TYSND1: variants seen among roughly 807,000 people sequenced by gnomAD.
TYSND1 encodes the protein trypsin like peroxisomal matrix peptidase 1.
TYSND1 carries 30 observed loss-of-function variants against 37.2 expected under a neutral mutation model. The ratio of observed to expected loss-of-function variants is 0.81; its 90% CI spans 0.60 to 1.09. The LOEUF is 1.09. TYSND1 is among the 50% of genes least tolerant of loss of function. TYSND1 has a pLI of 0.00. For missense variants in TYSND1, 806 were observed against 817.4 expected (o/e 0.99, Z 0.17); for synonymous variants, 364 against 383.8 (o/e 0.95, Z 0.60).
In TYSND1 at chr10:70,142,603, A is replaced by G. The variant is rs561337483; in HGVS notation, c.1483+65T>C. 1.8e-5 allele frequency: 26 copies of G among 1,419,258 alleles called. No homozygotes were observed. The African/African-American group carries it at 2.5e-4, about 14-fold the overall frequency. The allele number at this position is 1,419,258 out of a possible 1,614,324, so 87.9% of individuals were successfully genotyped here. On this transcript the variant is annotated intron_variant, in intron 3 of 3. Coordinates refer to ENST00000287078, the MANE Select transcript of TYSND1 (RefSeq NM_173555.4). The stretch of plus-strand genomic sequence containing the variant: ...GGGTGCACTGGGGCTGGCCACAAGC[A>G]CTCATGGGGTGGGACTGAGGTTCTG...
intron 2 of TYSND1, among the ~76,000 whole-genome samples, chr10:70,143,182 A>C (rs1244527647): frequency 6.6e-6 from 1 of 152,176 alleles, no homozygotes; most frequent in Non-Finnish European, 1.5e-5. Context: ...TGTGGAATTC[A>C]CACCCATCTC....
chr10:70,143,031 G>A (rs2072810419), intron 2 of TYSND1, among the ~76,000 whole-genome samples, 178 bp from the exon 3 acceptor site: 1 of 152,204 alleles, frequency 6.6e-6, no homozygotes, highest in African/African-American at 2.4e-5. Context: ...GGAAGAGGCT[G>A]AGAACTCCAC....
At position 70,138,084 on chromosome 10, in the gene TYSND1, G is replaced by A. The variant is rs1471896579; in HGVS notation, c.*1840C>T. 3 of 152,234 alleles carry A rather than the reference G, an allele frequency of 2.0e-5. No individual in the cohort carries two copies. The highest frequency in any genetic ancestry group is 2.1e-4 in the South Asian group (1 of 4,832). The allele number at this position is 152,234 out of a possible 1,614,324, so 9.4% of individuals were successfully genotyped here. Reference sequence around the variant, plus strand: ...AGGGGAAGGAGTGCAGAGCTTCCGTGCCCTCCCTGGGCACGCCACACTCCA... The same window carrying A: ...AGGGGAAGGAGTGCAGAGCTTCCGTACCCTCCCTGGGCACGCCACACTCCA... On this transcript the variant is annotated 3_prime_UTR_variant, in exon 4 of 4. Coordinates refer to ENST00000287078, the MANE Select transcript of TYSND1 (RefSeq NM_173555.4).
Position 70,144,533 on chromosome 10 carries a change from A to G in TYSND1, c.1167-561T>C, listed in dbSNP as rs1411451050. On this transcript the variant is annotated intron_variant, in intron 1 of 3. Coordinates refer to ENST00000287078, the MANE Select transcript of TYSND1 (RefSeq NM_173555.4). ...GACGTGACAGGCTCCGTTCCACGAC[A>G]TTCAGCGTCAACTCCCGGGGAGGCA... 6 of 987,674 alleles carry G rather than the reference A, an allele frequency of 6.1e-6. No homozygotes were observed. The South Asian group carries it at 2.8e-4, about 46-fold the overall frequency. 61.2% of individuals were successfully genotyped at this position (987,674 alleles called of 1,614,324 possible). A position where few individuals can be genotyped will look rare whatever the true frequency, so the allele number is the denominator to read the frequency against.
chr10:70,145,809 C>T lies in TYSND1; in HGVS notation c.778G>A (p.Gly260Ser), dbSNP rs74993002. 2 of 1,519,934 alleles carry T rather than the reference C, an allele frequency of 1.3e-6. No homozygotes were observed. Among genetic ancestry groups the T allele is most frequent in the South Asian group, 1.2e-5 (1 of 82,040 alleles). 94.2% of individuals were successfully genotyped at this position (1,519,934 alleles called of 1,614,324 possible). A position where few individuals can be genotyped will look rare whatever the true frequency, so the allele number is the denominator to read the frequency against. The change falls in exon 1 of 4, where the codon GGC becomes AGC. Residue 260 changes from glycine to serine, a missense_variant. Physicochemically the swap from Gly to Ser is moderately conservative, Grantham distance 56. Coordinates refer to ENST00000287078, the MANE Select transcript of TYSND1 (RefSeq NM_173555.4). ...GTGAACACGCCGCCGCCCTCGGTGCCGGGCAGGCAGCGTGCGTCGGTAAGC... is the reference window on the plus strand; with the variant it reads ...GTGAACACGCCGCCGCCCTCGGTGCTGGGCAGGCAGCGTGCGTCGGTAAGC... ...LLLTDARCLP[G>S]TEGGGVFTAR...
intron 3 of TYSND1, among the ~76,000 whole-genome samples, chr10:70,140,932 G>A (rs756188153): frequency 4.6e-5 from 7 of 151,456 alleles, no homozygotes; most frequent in Non-Finnish European, 8.8e-5. Context: ...TCGTGGCCTT[G>A]ACATTTTTAA....
intron 3 of TYSND1, 82 bp from the exon 4 acceptor site, chr10:70,140,223 T>C (rs955322293): frequency 1.6e-6 from 2 of 1,252,194 alleles, no homozygotes; most frequent in Admixed American, 2.3e-5. Context: ...ATCTCCACCC[T>C]GGAGCCCCCA....
rs149516253 is a variant in TYSND1, at chr10:70,143,825, C to T, written c.1297+17G>A. 60 of 1,613,416 alleles carry T rather than the reference C, an allele frequency of 3.7e-5. No homozygotes were observed. The highest frequency in any genetic ancestry group is 3.1e-4 in the East Asian group (14 of 44,878). On this transcript the variant is annotated intron_variant, in intron 2 of 3. Transcript: ENST00000287078. ...CTCAGAGGGGCCCTCCTTCAGGCTG[C>T]GCCCTTCGTCCTTTACCTTCATGGA... is the stretch of plus-strand genomic sequence containing the variant.
chr10:70,142,008 CAT>C (rs1453721350), intron 3 of TYSND1, among the ~76,000 whole-genome samples: 2 of 152,066 alleles, frequency 1.3e-5, no homozygotes, highest in African/African-American at 2.4e-5. Context: ...GATAAGTAAA[CAT>C]ATTGTAGACA....
chr10:70,146,413 T>C lies in TYSND1; in HGVS notation c.174A>G (p.Arg58=). 6.3e-7 allele frequency: 1 copy of C among 1,599,116 alleles called. No individual in the cohort carries two copies. Among genetic ancestry groups the C allele is most frequent in the Non-Finnish European group, 8.5e-7 (1 of 1,177,204 alleles). The change falls in exon 1 of 4, where the codon CGA becomes CGG. Residue 58 remains arginine (R), a synonymous_variant. Coordinates refer to ENST00000287078, the MANE Select transcript of TYSND1 (RefSeq NM_173555.4). ...CHGGIFVPFL[R]AGSEVLTAAG... is the part of the protein sequence containing the mutation. ...CCGCGGTCAGGACTTCGCTGCCAGCTCGCAGGAAGGGGACGAAGATGCCCC... is the reference window on the plus strand; with the variant it reads ...CCGCGGTCAGGACTTCGCTGCCAGCCCGCAGGAAGGGGACGAAGATGCCCC...
At chr10:70,145,354 G>GT (rs1447383581) in intron 1 of TYSND1, 67 bp downstream of exon 1, 2 of 1,319,344 alleles carry the variant, frequency 1.5e-6, no homozygotes, top group African/African-American at 3.1e-5. Flanking sequence ...ATACTCAAGA[G>GT]TATTAGGGCT....
At chr10:70,143,258 G>A (rs1476333811) in intron 2 of TYSND1, among the ~76,000 whole-genome samples, 5 of 152,198 alleles carry the variant, frequency 3.3e-5, no homozygotes, top group African/African-American at 1.2e-4. Context: ...ATGCAGCCAT[G>A]ACCTTCCTTT....
At position 70,146,138 on chromosome 10, in the gene TYSND1, A is replaced by T; in HGVS notation, c.449T>A (p.Leu150His). Residue 150 changes from leucine (L) to histidine (H), a missense_variant, in exon 1 of 4, where the codon CTC becomes CAC. Physicochemically the swap from Leu to His is moderately conservative, Grantham distance 99 (BLOSUM62 -3). Around this residue, in one of 3 missense-constraint regions of TYSND1, gnomAD observed 708 missense variants for 705.4 expected, o/e 1.00. Transcript: ENST00000287078. ...CTGTTCCGCTGCCTCGTCCCCGAAG[A>T]GGCGCGCGAAGTGGGCCCAGAAGGC... ...CPAFWAHFAR[L>H]FGDEAAEQWR... 1 of 1,555,264 alleles carries T rather than the reference A, an allele frequency of 6.4e-7. No homozygotes were observed. The highest frequency in any genetic ancestry group is 8.7e-7 in the Non-Finnish European group (1 of 1,151,858).
Position 70,139,828 on chromosome 10 carries a change from G to A in TYSND1, c.*96C>T. Reference sequence around the variant, plus strand: ...ATGAGAGGCAGCCTGGGCCCCTGCAGGGGCTGGGCCCTGAATCCTGAGGCC... The same window carrying A: ...ATGAGAGGCAGCCTGGGCCCCTGCAAGGGCTGGGCCCTGAATCCTGAGGCC... On this transcript the variant is annotated 3_prime_UTR_variant, in exon 4 of 4. Transcript: ENST00000287078. 4.7e-6 allele frequency: 6 copies of A among 1,274,856 alleles called. No homozygotes were observed. The highest frequency in any genetic ancestry group is 6.5e-6 in the Non-Finnish European group (6 of 921,322). 79.0% of individuals were successfully genotyped at this position (1,274,856 alleles called of 1,614,324 possible).
rs1469449626 is a variant in TYSND1 at position 70,142,727 on chromosome 10, G to A, written c.1424C>T (p.Ala475Val). ...GTPVMLQTTC[A>V]VHSGSSGGPL... is the part of the protein sequence containing the mutation. ...TCCCCCACTGGAGCCGCTGTGCACA[G>A]CACACGTGGTCTGCAGCATTACGGG... Residue 475 changes from alanine to valine, a missense_variant, in exon 3 of 4, where the codon GCT becomes GTT. By Grantham distance (64) the Ala-to-Val change is moderately conservative. Coordinates refer to ENST00000287078, the MANE Select transcript of TYSND1 (RefSeq NM_173555.4). The A allele has an allele frequency of 1.2e-6, 2 of 1,613,294 alleles. No individual in the cohort carries two copies.
chr10:70,143,596 T>A (rs979297491), intron 2 of TYSND1, among the ~76,000 whole-genome samples: 1 of 152,192 alleles, frequency 6.6e-6, no homozygotes, highest in African/African-American at 2.4e-5. Context: ...GCCTGAAGTG[T>A]TAAGGAACCC....
chr10:70,144,860 G>T, intron 1 of TYSND1: 1 of 918,548 alleles, frequency 1.1e-6, no homozygotes, highest in Non-Finnish European at 1.3e-6. Flanking sequence ...GGGCTGCAAG[G>T]CTGGGCTGAA....
chr10:70,145,436 C>A lies in TYSND1; in HGVS notation c.1151G>T (p.Arg384Leu). ...SPREAARVLV[R>L]STTPKSVAIW... is the part of the protein sequence containing the mutation. ...GCGGGCTTACTTGGGGGTGGTGGAG[C>A]GCACCAGGACCCTGGCTGCTTCCCG... Residue 384 changes from arginine (R) to leucine (L), a missense_variant, in exon 1 of 4, where the codon CGC becomes CTC. Arg to Leu is a moderately radical substitution (Grantham distance 102, BLOSUM62 -2). Around this residue, in one of 3 missense-constraint regions of TYSND1, gnomAD observed 708 missense variants for 705.4 expected, o/e 1.00. Coordinates refer to ENST00000287078, the MANE Select transcript of TYSND1 (RefSeq NM_173555.4). 1 of 1,439,006 alleles carries A rather than the reference C, an allele frequency of 6.9e-7. No homozygotes were observed. Among genetic ancestry groups the A allele is most frequent in the South Asian group, 1.5e-5 (1 of 65,678 alleles). 89.1% of individuals were successfully genotyped at this position (1,439,006 alleles called of 1,614,324 possible).
Position 70,142,663 on chromosome 10 carries a change from G to A in TYSND1, c.1483+5C>T. On this transcript the variant is annotated splice_donor_5th_base_variant and intron_variant, in intron 3 of 3. Transcript: ENST00000287078. ...AGGGCGGGAGGGGGCCAAAGAGCTG[G>A]TTACCAAGGAGGTTTCCTGAGTGGT... 1 of 1,562,202 alleles carries A rather than the reference G, an allele frequency of 6.4e-7. No individual in the cohort carries two copies. The highest frequency in any genetic ancestry group is 8.7e-7 in the Non-Finnish European group (1 of 1,151,632).
Sources: allele counts gnomAD v4.1 joint callset (sites outside exome capture counted in the v4.1 genomes callset), GRCh38; gene constraint gnomAD v4.1.1; regional missense constraint gnomAD v4.1.1; transcripts MANE v1.5; gene names NCBI Gene and HGNC (gene_info 2026-07-23, HGNC 2026-07-21).